ACOXL: variants seen among roughly 807,000 people sequenced by gnomAD.
ACOXL encodes the protein acyl-CoA oxidase like, also known as acyl-coenzyme A oxidase-like protein.
Under a neutral mutation model 71.9 loss-of-function variants are expected in ACOXL, and 70 were observed. The ratio of observed to expected loss-of-function variants is 0.97; its 90% CI spans 0.80 to 1.19. The LOEUF is 1.19. Ranked by LOEUF, ACOXL falls within the 50% of genes most tolerant of loss-of-function variation. The pLI, the probability that ACOXL is intolerant of heterozygous loss-of-function variation, is 0.00. For synonymous variants in ACOXL, 253 were observed against 281.6 expected (o/e 0.90, Z 1.02); for missense variants, 703 against 736.3 (o/e 0.95, Z 0.52).
At chr2:110,826,706 A>T (rs939300675) in intron 9 of ACOXL, among the ~76,000 whole-genome samples, 2 of 149,596 alleles carry the variant, frequency 1.3e-5, no homozygotes, top group Non-Finnish European at 3.0e-5. Context: ...ACATCCAGAC[A>T]TCCTTCTGAG....
chr2:110,748,883 GT>G (rs1559212843), intron 1 of ACOXL, among the ~76,000 whole-genome samples: 1 of 152,194 alleles, frequency 6.6e-6, no homozygotes, highest in African/African-American at 2.4e-5. Flanking sequence ...TATTCTTGCC[GT>G]TTTCAACAAG....
chr2:111,021,474 G>A (rs939377274), intron 14 of ACOXL, among the ~76,000 whole-genome samples: 3 of 152,136 alleles, frequency 2.0e-5, no homozygotes, highest in African/African-American at 4.8e-5. Flanking sequence ...TTAGGGCAAA[G>A]GTGCCAAGAA....
chr2:110,943,885 T>C (rs1013260669), intron 12 of ACOXL, among the ~76,000 whole-genome samples: 1 of 106,390 alleles, frequency 9.4e-6, no homozygotes, highest in Admixed American at 1.1e-4. Flanking sequence ...TATGTGTAGA[T>C]ACCTTTATTA....
intron 12 of ACOXL, among the ~76,000 whole-genome samples, chr2:110,972,614 GTC>G (rs139672665): frequency 6.4e-4 from 95 of 147,628 alleles, no homozygotes; most frequent in African/African-American, 2.2e-3. Context: ...ATGCATCTCT[GTC>G]TCTCTCACAC....
intron 12 of ACOXL, among the ~76,000 whole-genome samples, chr2:110,934,403 C>G (rs2060588594): frequency 6.6e-6 from 1 of 152,088 alleles, no homozygotes. Context: ...CAGACCACAC[C>G]CCCAGAGGAG....
In ACOXL at chr2:111,107,784, G is replaced by A. The variant is rs564453983; in HGVS notation, c.1543-9832G>A. On this transcript the variant is annotated intron_variant, in intron 17 of 17. Transcript: ENST00000439055. ...ATTACAGGCGTGAGTCACCACGCCC[G>A]GCCTTTGACTACAGTTTTTGAGAAG... is the stretch of plus-strand genomic sequence containing the variant. Among the ~76,000 whole-genome samples, 441 of 152,326 alleles carry A rather than the reference G, an allele frequency of 2.9e-3. 1 individual carries two copies. The highest frequency in any genetic ancestry group is 0.01 in the Middle Eastern group (3 of 294).
At chr2:110,797,444 TAGAG>T (rs367563688) in intron 5 of ACOXL, among the ~76,000 whole-genome samples, 112 of 152,238 alleles carry the variant, frequency 7.4e-4, no homozygotes, top group African/African-American at 1.6e-3. Context: ...ATCAGGGAAA[TAGAG>T]AGACATTTTC....
chr2:110,873,692 C>T (rs374733772), intron 10 of ACOXL, among the ~76,000 whole-genome samples: 3 of 152,290 alleles, frequency 2.0e-5, no homozygotes, highest in African/African-American at 7.2e-5. Flanking sequence ...ATTGCCCTGC[C>T]TCCTGCCATG....
In ACOXL at chr2:110,951,852, G is replaced by A. The variant is rs536467793; in HGVS notation, c.1059+18210G>A. On this transcript the variant is annotated intron_variant, in intron 12 of 17. Coordinates refer to ENST00000439055, the MANE Select transcript of ACOXL (RefSeq NM_001142807.4). ...TACAACTCAGTCATGATGTATGTGT[G>A]TGTATTTAAAAAGCTGCTGATTTCA... Among the ~76,000 whole-genome samples, 6 of 152,300 alleles carry A rather than the reference G, an allele frequency of 3.9e-5. No individual in the cohort carries two copies. In the East Asian group the frequency reaches 1.2e-3, roughly 29 times the overall value.
intron 10 of ACOXL, among the ~76,000 whole-genome samples, chr2:110,878,350 A>T (rs1017025729): frequency 6.6e-6 from 1 of 152,270 alleles, no homozygotes; most frequent in African/African-American, 2.4e-5. Flanking sequence ...GAGAAGCTCT[A>T]TCAGAAGAAA....
At chr2:110,750,687 A>C (rs933425596) in intron 1 of ACOXL, among the ~76,000 whole-genome samples, 1 of 150,240 alleles carries the variant, frequency 6.7e-6, no homozygotes, top group Non-Finnish European at 1.5e-5. Context: ...GTGTGTGTAT[A>C]TATATATATA....
At chr2:110,809,795 G>A (rs550319119) in intron 9 of ACOXL, among the ~76,000 whole-genome samples, 1 of 152,310 alleles carries the variant, frequency 6.6e-6, no homozygotes, top group African/African-American at 2.4e-5. Flanking sequence ...TTGAGAGCCA[G>A]CCAGGGTTGG....
At chr2:110,886,596 C>G (rs994765053) in intron 10 of ACOXL, among the ~76,000 whole-genome samples, 1 of 152,040 alleles carries the variant, frequency 6.6e-6, no homozygotes, top group Admixed American at 6.6e-5. Flanking sequence ...CCAGGCTGGT[C>G]TTGAATTCCT....
At chr2:110,942,436 C>T (rs1574217268) in intron 12 of ACOXL, among the ~76,000 whole-genome samples, 3 of 152,216 alleles carry the variant, frequency 2.0e-5, no homozygotes, top group East Asian at 1.9e-4. Context: ...CAGACAAAGT[C>T]GATTTCAGAG....
intron 2 of ACOXL, among the ~76,000 whole-genome samples, chr2:110,784,381 C>T (rs1051993859): frequency 6.6e-6 from 1 of 152,066 alleles, no homozygotes; most frequent in African/African-American, 2.4e-5. Flanking sequence ...GTGGGGGTGC[C>T]GGCCTGTAAA....
At chr2:110,957,105 C>T (rs149481130) in intron 12 of ACOXL, among the ~76,000 whole-genome samples, 2 of 152,116 alleles carry the variant, frequency 1.3e-5, no homozygotes, top group East Asian at 1.9e-4. Context: ...AGTAAGCTCA[C>T]GGAAAATCTT....
At chr2:110,859,941 C>T (rs1195342188) in intron 10 of ACOXL, among the ~76,000 whole-genome samples, 2 of 152,200 alleles carry the variant, frequency 1.3e-5, no homozygotes, top group Non-Finnish European at 2.9e-5. Flanking sequence ...TCTTCAGCCA[C>T]AGAGATGCCC....
intron 10 of ACOXL, among the ~76,000 whole-genome samples, chr2:110,880,108 G>A (rs1696433272): frequency 7.1e-6 from 1 of 140,300 alleles, no homozygotes; most frequent in Non-Finnish European, 1.5e-5. Context: ...TTGTACCACT[G>A]CACTGCATTC....
intron 10 of ACOXL, among the ~76,000 whole-genome samples, chr2:110,872,477 G>C (rs991887574): frequency 6.6e-6 from 1 of 152,240 alleles, no homozygotes; most frequent in Non-Finnish European, 1.5e-5. Context: ...CCAGGTGTCC[G>C]TCTCCTGGGG....
Sources: gnomAD v4.1 joint callset for allele counts (sites outside exome capture counted in the v4.1 genomes callset) on GRCh38, gnomAD v4.1.1 for gene constraint, MANE v1.5 for transcripts, NCBI Gene and HGNC (gene_info 2026-07-23, HGNC 2026-07-21) for gene names.